The following GAS7 variants were observed in gnomAD, a reference collection of about 807,000 sequenced individuals.
The protein encoded by GAS7 is growth arrest specific 7.
GAS7 carries 28 observed loss-of-function variants against 71.1 expected under a neutral mutation model. The ratio of observed to expected loss-of-function variants is 0.39; its 90% confidence interval spans 0.29 to 0.54. The LOEUF (loss-of-function observed/expected upper bound fraction) is 0.54. GAS7 is among the 20% of genes least tolerant of loss of function. The pLI, the probability that GAS7 is intolerant of heterozygous loss-of-function variation, is 0.62. For synonymous variants in GAS7, 258 were observed against 245.8 expected, an observed-to-expected ratio of 1.05 and a Z score of -0.46; for missense variants, 436 against 627.8, an observed-to-expected ratio of 0.69 and a Z score of 3.27.
intron 2 of GAS7, among the ~76,000 whole-genome samples, chr17:9,987,715 G>C (rs919393486): frequency 6.6e-5 from 10 of 152,262 alleles, no homozygotes; most frequent in African/African-American, 2.4e-4. Context: ...TCAAAGCACA[G>C]ATGCCCCTTC....
In GAS7 at chr17:10,034,315, C is replaced by CTTT. The variant is rs35276082; in HGVS notation, c.184-14421_184-14419dup. On this transcript the variant is annotated intron_variant, in intron 1 of 13. Coordinates refer to ENST00000432992, the MANE Select transcript of GAS7 (RefSeq NM_201433.2). This position sits in a 1 kb window ranked among gnomAD's most constrained non-coding sequence, Gnocchi z 4.4. Reference sequence around the variant, plus strand: ...ATATATAGCCTAATACTTAATAATTCTTTTTTTTTTTTTTAGACAGTCTTG... The same window carrying CTTT: ...ATATATAGCCTAATACTTAATAATTCTTTTTTTTTTTTTTTTTAGACAGTCTTG... 133 of 488,800 alleles carry CTTT rather than the reference C, an allele frequency of 2.7e-4. No individual in the cohort carries two copies. The highest frequency in any genetic ancestry group is 1.0e-3 in the Middle Eastern group (1 of 954). 30.3% of individuals were successfully genotyped at this position (488,800 alleles called of 1,614,324 possible). A position where few individuals can be genotyped will look rare whatever the true frequency, so the allele number is the denominator to read the frequency against.
chr17:10,062,708 G>A (rs1403272555), intron 1 of GAS7, among the ~76,000 whole-genome samples: 1 of 152,202 alleles, frequency 6.6e-6, no homozygotes, highest in Admixed American at 6.5e-5. Context: ...TTGCTGGTGG[G>A]TTGCTTTTTG....
In GAS7 at chr17:10,118,281, TG is replaced by T. The variant is rs372533541; in HGVS notation, c.183+79926del. On this transcript the variant is annotated intron_variant, in intron 1 of 13. Coordinates refer to ENST00000432992, the MANE Select transcript of GAS7 (RefSeq NM_201433.2). ...AGCGCATAAGGTGGGAAGGAAGTCA[TG>T]GGAGCACAGCTGGATTCTGGAATGC... Among the ~76,000 whole-genome samples the T allele has an allele frequency of 4.6e-5, 7 of 152,280 alleles. No homozygotes were observed. In the South Asian group the frequency reaches 1.4e-3, roughly 32 times the overall value.
chr17:10,090,888 C>T (rs1348337361), intron 1 of GAS7, among the ~76,000 whole-genome samples: 1 of 152,154 alleles, frequency 6.6e-6, no homozygotes, highest in Non-Finnish European at 1.5e-5. Context: ...GTTCTGAACA[C>T]TTCGACATGC....
rs915421802 is a variant in GAS7 at position 9,913,802 on chromosome 17, A to G, written c.*3426T>C. The G allele has an allele frequency of 1.7e-5, 4 of 231,826 alleles. No homozygotes were observed. The highest frequency in any genetic ancestry group is 3.4e-5 in the Non-Finnish European group (4 of 117,242). 14.4% of individuals were successfully genotyped at this position (231,826 alleles called of 1,614,324 possible). ...GGCTCTTCCTGGAGGTTGTCACAGCAACCAACTTGGAACACCATTTGGCTT... is the reference window on the plus strand; with the variant it reads ...GGCTCTTCCTGGAGGTTGTCACAGCGACCAACTTGGAACACCATTTGGCTT... On this transcript the variant is annotated 3_prime_UTR_variant, in exon 14 of 14. Coordinates refer to ENST00000432992, the MANE Select transcript of GAS7 (RefSeq NM_201433.2).
intron 1 of GAS7, among the ~76,000 whole-genome samples, chr17:10,119,957 AAACCTGTTT>A (rs1163619002): frequency 6.6e-6 from 1 of 152,174 alleles, no homozygotes; most frequent in Non-Finnish European, 1.5e-5. Flanking sequence ...CCAGGAGGCC[AAACCTGTTT>A]GGCAGCTCAA....
intron 1 of GAS7, among the ~76,000 whole-genome samples, chr17:10,058,369 C>T (rs1259448985): frequency 1.3e-5 from 2 of 151,996 alleles, no homozygotes; most frequent in South Asian, 2.1e-4. Flanking sequence ...AAGAGAATGG[C>T]GTGAACCCAG....
At chr17:10,126,416 GCA>G (rs969591770) in intron 1 of GAS7, among the ~76,000 whole-genome samples, 12 of 146,172 alleles carry the variant, frequency 8.2e-5, no homozygotes, top group East Asian at 2.0e-4. Context: ...GTGCAAACAC[GCA>G]CACACAAACA....
intron 1 of GAS7, among the ~76,000 whole-genome samples, chr17:10,074,549 C>T (rs1440553578): frequency 6.6e-6 from 1 of 152,146 alleles, no homozygotes; most frequent in Non-Finnish European, 1.5e-5. Context: ...TTCTCTCCTG[C>T]CACTGACAAT....
rs2072367744 is a variant in GAS7 at position 10,023,910 on chromosome 17, G to T, written c.184-4013C>A. 1.3e-5 allele frequency among the ~76,000 whole-genome samples: 2 copies of T among 152,132 alleles called. 1 individual carries two copies. Among genetic ancestry groups the T allele is most frequent in the South Asian group, 4.1e-4 (2 of 4,830 alleles). On this transcript the variant is annotated intron_variant, in intron 1 of 13. Transcript: ENST00000432992. ...AGGCCAAGGTGGGTGGATTACCTGA[G>T]GTCAGGAGTTCGAGACCAGCCTGGC...
chr17:10,176,852 G>A (rs4636944), intron 1 of GAS7, among the ~76,000 whole-genome samples: 1,861 of 152,172 alleles, frequency 0.012, 50 homozygotes, highest in South Asian at 0.072. Flanking sequence ...TTGGCCGTCC[G>A]TGACCCCAAG....
At chr17:10,117,737 C>A (rs921405576) in intron 1 of GAS7, among the ~76,000 whole-genome samples, 17 of 152,144 alleles carry the variant, frequency 1.1e-4, no homozygotes, top group African/African-American at 3.9e-4. Flanking sequence ...TAGGGACCAG[C>A]AGAGCAGCCA....
intron 7 of GAS7, among the ~76,000 whole-genome samples, chr17:9,942,471 C>T (rs560071859): frequency 2.0e-5 from 3 of 151,788 alleles, no homozygotes; most frequent in Non-Finnish European, 2.9e-5. Flanking sequence ...TTCTCTTTGT[C>T]GATTTCTCCA....
Position 9,916,638 on chromosome 17 carries a change from G to C in GAS7, c.*590C>G, listed in dbSNP as rs1279307885. 1.0e-5 allele frequency: 3 copies of C among 300,134 alleles called. No homozygotes were observed. Among genetic ancestry groups the C allele is most frequent in the African/African-American group, 6.4e-5 (3 of 47,136 alleles). The allele number at this position is 300,134 out of a possible 1,614,324, so 18.6% of individuals were successfully genotyped here. ...CAGGCATGGTGGGTCTGGGAAGACA[G>C]GAGCCAAGCCTTCCTCCTAAAACCC... On this transcript the variant is annotated 3_prime_UTR_variant, in exon 14 of 14. Transcript: ENST00000432992.
chr17:10,061,444 C>T (rs2073218743), intron 1 of GAS7: 1 of 152,240 alleles, frequency 6.6e-6, no homozygotes, highest in Non-Finnish European at 1.5e-5. Flanking sequence ...GGCCTCTCCT[C>T]CCCACCCATG....
At chr17:10,140,722 A>T (rs1004455510) in intron 1 of GAS7, among the ~76,000 whole-genome samples, 2 of 152,202 alleles carry the variant, frequency 1.3e-5, no homozygotes, top group Non-Finnish European at 2.9e-5. Context: ...GTAAGTCCAC[A>T]GAATAGGTGG....
chr17:10,130,550 G>A (rs189538567), intron 1 of GAS7, among the ~76,000 whole-genome samples: 28 of 152,156 alleles, frequency 1.8e-4, no homozygotes, highest in South Asian at 4.1e-4. Flanking sequence ...GTACACAAAC[G>A]TTCATACCAG....
At chr17:9,977,488 AAAGAGGACTTTC>A (rs1250655548) in intron 3 of GAS7, among the ~76,000 whole-genome samples, 7 of 152,188 alleles carry the variant, frequency 4.6e-5, no homozygotes, top group African/African-American at 1.7e-4. Context: ...AGCCCAGCCC[AAAGAGGACTTTC>A]AATATTTGCA....
intron 1 of GAS7, among the ~76,000 whole-genome samples, chr17:10,080,212 C>T (rs1021662227): frequency 1.3e-5 from 2 of 152,180 alleles, no homozygotes; most frequent in Non-Finnish European, 2.9e-5. Context: ...TCATTATACG[C>T]TAATTATAAT....
Sources: allele counts gnomAD v4.1 joint callset (sites outside exome capture counted in the v4.1 genomes callset), GRCh38; gene constraint gnomAD v4.1.1; non-coding constraint Gnocchi (gnomAD v3.1); transcripts MANE v1.5; gene names NCBI Gene and HGNC (gene_info 2026-07-23, HGNC 2026-07-21).